Variants in CCDC69 observed in about 807,000 individuals in gnomAD.
CCDC69 encodes coiled-coil domain containing 69.
CCDC69 carries 38 observed loss-of-function variants against 40.3 expected under a neutral mutation model. The ratio of observed to expected loss-of-function variants is 0.94; its 90% confidence interval spans 0.73 to 1.24. The LOEUF (loss-of-function observed/expected upper bound fraction) is 1.24, where lower values mean the gene tolerates loss of function less well. Ranked by LOEUF, CCDC69 falls within the 50% of genes most tolerant of loss-of-function variation. The pLI is 0.00. For synonymous variants in CCDC69, 141 were observed against 138.9 expected (o/e 1.02, Z -0.11); for missense variants, 389 against 357.9 (o/e 1.09, Z -0.70).
intron 6 of CCDC69, 55 bp downstream of exon 6, chr5:151,185,968 C>T: frequency 8.1e-7 from 1 of 1,238,296 alleles, no homozygotes; most frequent in Non-Finnish European, 1.2e-6. Flanking sequence ...TGTTGCCCGG[C>T]CCTGACCTCC....
intron 4 of CCDC69, among the ~76,000 whole-genome samples, chr5:151,191,648 A>C (rs1420981884): frequency 6.6e-6 from 1 of 152,236 alleles, no homozygotes; most frequent in Non-Finnish European, 1.5e-5. Flanking sequence ...ATAAGACTGA[A>C]AATATTTTGA....
chr5:151,197,204 T>C (rs962002986), intron 4 of CCDC69, among the ~76,000 whole-genome samples: 1 of 152,124 alleles, frequency 6.6e-6, no homozygotes, highest in Non-Finnish European at 1.5e-5. Flanking sequence ...AGTGGATTGG[T>C]GGTTGCCAGG....
chr5:151,195,718 C>CAAAAAA (rs765505789), intron 4 of CCDC69, among the ~76,000 whole-genome samples: 2 of 60,464 alleles, frequency 3.3e-5, no homozygotes, highest in East Asian at 4.8e-4. Context: ...GACTCCATCT[C>CAAAAAA]AAAAAAAAAA....
rs774546814 is a variant in CCDC69 at position 151,211,518 on chromosome 5, C to CTTTTTTT, written c.49-6050_49-6044dup. Among the ~76,000 whole-genome samples the CTTTTTTT allele has an allele frequency of 1.8e-4, 20 of 108,740 alleles. 1 individual carries two copies. Among genetic ancestry groups the CTTTTTTT allele is most frequent in the African/African-American group, 3.2e-4 (8 of 25,128 alleles). 71.3% of individuals were successfully genotyped at this position (108,740 alleles called of 152,430 possible). A position where few individuals can be genotyped will look rare whatever the true frequency, so the allele number is the denominator to read the frequency against. On this transcript the variant is annotated intron_variant, in intron 1 of 8. Coordinates refer to ENST00000355417, the MANE Select transcript of CCDC69 (RefSeq NM_015621.3). ...TATGTGTGCTGGGAATTTGCATCTG[C>CTTTTTTT]TTTTTTTTTTTTTTTTTTTTTTGAG...
intron 8 of CCDC69, 23 bp downstream of exon 8, chr5:151,184,321 A>C (rs781555733): frequency 6.3e-7 from 1 of 1,587,312 alleles, no homozygotes; most frequent in Non-Finnish European, 8.6e-7. Flanking sequence ...GGATGGGAGT[A>C]AAGGAGGCAG....
intron 1 of CCDC69, among the ~76,000 whole-genome samples, chr5:151,206,629 G>A (rs1752856509): frequency 6.6e-6 from 1 of 152,122 alleles, no homozygotes; most frequent in African/African-American, 2.4e-5. Flanking sequence ...CGCCCAGGCT[G>A]GAGTGCGGTG....
Position 151,191,800 on chromosome 5 carries a change from A to C in CCDC69, c.320-4341T>G, listed in dbSNP as rs566740364. 2.7e-3 allele frequency among the ~76,000 whole-genome samples: 412 copies of C among 152,300 alleles called. 3 individuals carry two copies. The highest frequency in any genetic ancestry group is 0.017 in the Middle Eastern group (5 of 294). On this transcript the variant is annotated intron_variant, in intron 4 of 8. Transcript: ENST00000355417. ...ATTCTAAGCTGAAGAAATCAGGAAAAGGTATCAGGCCCAGTGACTCACACC... is the reference window on the plus strand; with the variant it reads ...ATTCTAAGCTGAAGAAATCAGGAAACGGTATCAGGCCCAGTGACTCACACC...
chr5:151,192,898 G>A (rs1582041231), intron 4 of CCDC69, among the ~76,000 whole-genome samples: 1 of 144,768 alleles, frequency 6.9e-6, no homozygotes, highest in Admixed American at 6.9e-5. Context: ...ATTCAACCAA[G>A]TGTGGATAAA....
At chr5:151,211,596 C>T (rs1401426981) in intron 1 of CCDC69, among the ~76,000 whole-genome samples, 3 of 143,754 alleles carry the variant, frequency 2.1e-5, no homozygotes, top group African/African-American at 5.3e-5. Context: ...GATCTTGGCT[C>T]AATTGCAACC....
At chr5:151,198,287 GATTGATCT>G (rs780362686) in intron 4 of CCDC69, among the ~76,000 whole-genome samples, 2,503 of 142,008 alleles carry the variant, frequency 0.018, 44 homozygotes, top group Admixed American at 0.026. Context: ...TAGAGAATGA[GATTGATCT>G]ATCTATCTAT....
At chr5:151,197,458 G>A (rs1752715484) in intron 4 of CCDC69, among the ~76,000 whole-genome samples, 1 of 152,164 alleles carries the variant, frequency 6.6e-6, no homozygotes, top group Non-Finnish European at 1.5e-5. Context: ...AAGAGGCGGA[G>A]GTTGAAGTGA....
chr5:151,188,359 C>T (rs1328853329), intron 4 of CCDC69, among the ~76,000 whole-genome samples: 1 of 152,178 alleles, frequency 6.6e-6, no homozygotes, highest in Non-Finnish European at 1.5e-5. Flanking sequence ...TATCCCAGCA[C>T]TTTGGGAGGC....
At chr5:151,192,242 A>C (rs1330156685) in intron 4 of CCDC69, among the ~76,000 whole-genome samples, 2 of 151,818 alleles carry the variant, frequency 1.3e-5, no homozygotes, top group Admixed American at 6.6e-5. Flanking sequence ...AATCAATGAA[A>C]CCAAAAGCTG....
intron 2 of CCDC69, among the ~76,000 whole-genome samples, chr5:151,202,821 A>C (rs1339703055): frequency 6.6e-6 from 1 of 152,226 alleles, no homozygotes; most frequent in Non-Finnish European, 1.5e-5. Flanking sequence ...GGCAGTGGCC[A>C]TCCTCTCTGT....
At chr5:151,185,869 G>A (rs1168929157) in intron 6 of CCDC69, among the ~76,000 whole-genome samples, 154 bp downstream of exon 6, 1 of 152,120 alleles carries the variant, frequency 6.6e-6, no homozygotes, top group East Asian at 1.9e-4. Context: ...TTTCCCATCG[G>A]TGAAATGGGA....
rs1753179921 is a variant in CCDC69 at position 151,224,068 on chromosome 5, G to C, written c.-98C>G. The C allele has an allele frequency of 7.1e-6, 8 of 1,121,038 alleles. No individual in the cohort carries two copies. The highest frequency in any genetic ancestry group is 3.2e-5 in the South Asian group (2 of 63,326). The allele number at this position is 1,121,038 out of a possible 1,614,324, so 69.4% of individuals were successfully genotyped here. On this transcript the variant is annotated 5_prime_UTR_variant, in exon 1 of 9. Transcript: ENST00000355417. ...CTGCCCGCTCCGCGCCCGCCGGCTGGGGCTGCCGGCGAGACCCTGAAACTG... is the reference window on the plus strand; with the variant it reads ...CTGCCCGCTCCGCGCCCGCCGGCTGCGGCTGCCGGCGAGACCCTGAAACTG...
intron 1 of CCDC69, among the ~76,000 whole-genome samples, chr5:151,223,579 G>A (rs559761563): frequency 4.6e-5 from 7 of 152,346 alleles, no homozygotes; most frequent in South Asian, 2.1e-4. Context: ...GGCCCAGAGA[G>A]GTCAAGTCAC....
At chr5:151,212,646 A>G in intron 1 of CCDC69, 1 of 380,978 alleles carries the variant, frequency 2.6e-6, no homozygotes, top group South Asian at 1.9e-5. Flanking sequence ...AAAGAAACCG[A>G]CAGGATGTAG....
At position 151,187,402 on chromosome 5, in the gene CCDC69, G is replaced by A; in HGVS notation, c.377C>T (p.Ala126Val). 1 of 1,614,076 alleles carries A rather than the reference G, an allele frequency of 6.2e-7. No homozygotes were observed. Among genetic ancestry groups the A allele is most frequent in the South Asian group, 1.1e-5 (1 of 91,076 alleles). ...CCCTCTCACCTGCTGGGTAGAACTG[G>A]CCTCCCGGAAAGAGTGGGTAAGCGC... Reference protein sequence around the residue: ...KEALTHSFREASSTQQETIDR... With the variant: ...KEALTHSFREVSSTQQETIDR... The change falls in exon 5 of 9, where the codon GCC (alanine) becomes GTC (valine). Residue 126 changes from alanine (A) to valine (V), a missense_variant. Ala to Val is a moderately conservative substitution (Grantham distance 64). Coordinates refer to ENST00000355417, the MANE Select transcript of CCDC69 (RefSeq NM_015621.3).
Sources: allele counts gnomAD v4.1 joint callset (sites outside exome capture counted in the v4.1 genomes callset), GRCh38; gene constraint gnomAD v4.1.1; transcripts MANE v1.5; gene names NCBI Gene and HGNC (gene_info 2026-07-23, HGNC 2026-07-21).